ZNF844: variants seen among roughly 807,000 people sequenced by gnomAD.
ZNF844 encodes zinc finger protein 844.
ZNF844 carries 11 observed loss-of-function variants against 11.4 expected under a neutral mutation model. The observed-to-expected ratio is 0.97, with a 90% CI of 0.61 to 1.60. The LOEUF (loss-of-function observed/expected upper bound fraction) is 1.60. ZNF844 is among the 40% of genes most tolerant of loss of function. ZNF844 has a pLI of 0.00. For missense variants in ZNF844, 790 were observed against 796.8 expected (o/e 0.99, Z 0.10); for synonymous variants, 248 against 260.3 (o/e 0.95, Z 0.46).
intron 1 of ZNF844, chr19:12,070,370 G>A (rs1021063528): frequency 6.6e-6 from 1 of 152,198 alleles, no homozygotes; most frequent in African/African-American, 2.4e-5. Context: ...CACATAGGAT[G>A]GGGGATGAAT....
At position 12,075,549 on chromosome 19, in the gene ZNF844, T is replaced by C. The variant is rs1300754329; in HGVS notation, c.429T>C (p.Cys143=). 6.2e-7 allele frequency: 1 copy of C among 1,614,042 alleles called. No individual in the cohort carries two copies. ...AATATGGACAGGAGCCATATAAGTG[T>C]CAACAACGTAAGAAAGCCTTCAGAT... The part of the protein sequence containing the change: ...YQEYGQEPYK[C]QQRKKAFRCH... The change falls in exon 4 of 4, where the codon TGT becomes TGC. Residue 143 remains cysteine (C), a synonymous_variant. Transcript: ENST00000439326.
intron 1 of ZNF844, among the ~76,000 whole-genome samples, chr19:12,070,461 C>G (rs537604219): frequency 6.6e-6 from 1 of 152,278 alleles, no homozygotes; most frequent in African/African-American, 2.4e-5. Flanking sequence ...GGCAGTGGTG[C>G]AACCACAGTC....
chr19:12,068,640 A>C (rs1023693860), intron 1 of ZNF844, among the ~76,000 whole-genome samples: 1 of 152,232 alleles, frequency 6.6e-6, no homozygotes, highest in South Asian at 2.1e-4. Flanking sequence ...CTCAAAAAAA[A>C]TAAAAAATAA....
intron 1 of ZNF844, among the ~76,000 whole-genome samples, chr19:12,071,883 C>CTTTTT (rs533482850): frequency 4.5e-4 from 62 of 139,226 alleles, no homozygotes; most frequent in African/African-American, 1.1e-3. Context: ...AATTTTTTTT[C>CTTTTT]TTTTTTTTTT....
intron 1 of ZNF844, among the ~76,000 whole-genome samples, chr19:12,069,178 C>CGTTTT (rs760998604): frequency 5.8e-5 from 8 of 137,476 alleles, no homozygotes; most frequent in African/African-American, 1.5e-4. Context: ...TTCTTTTATT[C>CGTTTT]CTTTTTTTTT....
At chr19:12,072,241 C>G (rs997853216) in intron 1 of ZNF844, among the ~76,000 whole-genome samples, 6 of 152,210 alleles carry the variant, frequency 3.9e-5, no homozygotes, top group African/African-American at 1.2e-4. Flanking sequence ...TTTTGTAAGA[C>G]TAAATACTAT....
chr19:12,075,236 C>A, intron 3 of ZNF844, 76 bp from the exon 4 acceptor site: 1 of 1,031,116 alleles, frequency 9.7e-7, no homozygotes, highest in Non-Finnish European at 1.3e-6. Context: ...AAATAAAATG[C>A]AAGTGTAATC....
Position 12,078,509 on chromosome 19 carries a change from A to G in ZNF844, c.*1388A>G, listed in dbSNP as rs1975857546. 1 of 152,190 alleles carries G rather than the reference A, an allele frequency of 6.6e-6. No homozygotes were observed. Among genetic ancestry groups the G allele is most frequent in the Admixed American group, 6.5e-5 (1 of 15,268 alleles). 9.4% of individuals were successfully genotyped at this position (152,190 alleles called of 1,614,324 possible). ...CATTAGATCAAGTTTATGTTACCAC[A>G]TTATTTTTTGGACATTGTGAGTCAA... On this transcript the variant is annotated 3_prime_UTR_variant, in exon 4 of 4. Coordinates refer to ENST00000439326, the MANE Select transcript of ZNF844 (RefSeq NM_001136501.3).
chr19:12,073,828 C>T lies in ZNF844; in HGVS notation c.4-203C>T, dbSNP rs1035747863. ...AGACACATTTTTCTATTCTGCTGTT[C>T]GTTTATTGCTTAGTTCTGTTCCAGC... On this transcript the variant is annotated intron_variant, in intron 1 of 3. Transcript: ENST00000439326. Among the ~76,000 whole-genome samples, 4 of 152,166 alleles carry T rather than the reference C, an allele frequency of 2.6e-5. No individual in the cohort carries two copies. In the East Asian group the frequency reaches 7.7e-4, roughly 29 times the overall value.
intron 3 of ZNF844, among the ~76,000 whole-genome samples, 158 bp downstream of exon 3, chr19:12,074,579 C>T (rs1335107996): frequency 6.6e-6 from 1 of 152,170 alleles, no homozygotes; most frequent in African/African-American, 2.4e-5. Flanking sequence ...GTGATCTAGG[C>T]TGGGCACAGT....
At chr19:12,066,489 A>G (rs1296582376) in intron 1 of ZNF844, among the ~76,000 whole-genome samples, 1 of 150,582 alleles carries the variant, frequency 6.6e-6, no homozygotes, top group African/African-American at 2.4e-5. Context: ...GCAGTGTTTA[A>G]GGAAGAGCTA....
At position 12,077,255 on chromosome 19, in the gene ZNF844, C is replaced by T. The variant is rs541546306; in HGVS notation, c.*134C>T. 49 of 1,438,586 alleles carry T rather than the reference C, an allele frequency of 3.4e-5. No individual in the cohort carries two copies. In the East Asian group the frequency reaches 1.0e-3, roughly 30 times the overall value. The allele number at this position is 1,438,586 out of a possible 1,614,324, so 89.1% of individuals were successfully genotyped here. The stretch of plus-strand genomic sequence containing the variant: ...GTAAAGCCTTCATTTCTTCCACTGC[C>T]ATTCGTAGACATGAAAGGACTCACA... On this transcript the variant is annotated 3_prime_UTR_variant, in exon 4 of 4. Transcript: ENST00000439326.
At position 12,074,123 on chromosome 19, in the gene ZNF844, G is replaced by A; in HGVS notation, c.96G>A (p.Val32=). 6.2e-7 allele frequency: 1 copy of A among 1,613,834 alleles called. No homozygotes were observed. Among genetic ancestry groups the A allele is most frequent in the South Asian group, 1.1e-5 (1 of 91,066 alleles). The stretch of plus-strand genomic sequence containing the variant: ...CCCAGAAGAATCTCTACAGAGAAGT[G>A]ATGCAGGAAACCTTGAGGAATCTGG... The part of the protein sequence containing the change: ...DPSQKNLYRE[V]MQETLRNLAS... The change falls in exon 2 of 4, where the codon GTG becomes GTA. Residue 32 remains valine, a synonymous_variant. Coordinates refer to ENST00000439326, the MANE Select transcript of ZNF844 (RefSeq NM_001136501.3).
At chr19:12,066,974 A>G (rs910672864) in intron 1 of ZNF844, among the ~76,000 whole-genome samples, 3 of 152,170 alleles carry the variant, frequency 2.0e-5, no homozygotes, top group Non-Finnish European at 2.9e-5. Flanking sequence ...CAGTTTTTGC[A>G]AAAGTGGTTT....
Position 12,075,967 on chromosome 19 carries a change from T to C in ZNF844, c.847T>C (p.Cys283Arg). Residue 283 changes from cysteine to arginine, a missense_variant, in exon 4 of 4, where the codon TGC becomes CGC. Physicochemically the swap from Cys to Arg is radical, Grantham distance 180. Coordinates refer to ENST00000439326, the MANE Select transcript of ZNF844 (RefSeq NM_001136501.3). ...TCACACTGGAGAGAAGCCATATGAA[T>C]GCAAACAATGTGGAAAAGCCTTCAG... The part of the protein sequence containing the change: ...RTHTGEKPYE[C>R]KQCGKAFRWF... 1.3e-6 allele frequency: 2 copies of C among 1,594,496 alleles called. No homozygotes were observed. Among genetic ancestry groups the C allele is most frequent in the Non-Finnish European group, 1.7e-6 (2 of 1,169,872 alleles).
At position 12,076,884 on chromosome 19, in the gene ZNF844, A is replaced by T. The variant is rs1322250627; in HGVS notation, c.1764A>T (p.Val588=). Residue 588 remains valine, a synonymous_variant, in exon 4 of 4, where the codon GTA becomes GTT. Coordinates refer to ENST00000439326, the MANE Select transcript of ZNF844 (RefSeq NM_001136501.3). The part of the protein sequence containing the change: ...QCTEDRMPMN[V]KSVTKHSYLP... ...CAGAGGACAGAATGCCTATGAATGT[A>T]AAGAGTGTGACAAAGCATTCATATC... The T allele has an allele frequency of 1.3e-6, 2 of 1,571,094 alleles. No individual in the cohort carries two copies. Among genetic ancestry groups the T allele is most frequent in the South Asian group, 2.3e-5 (2 of 86,260 alleles).
At chr19:12,067,015 T>C (rs1975696523) in intron 1 of ZNF844, among the ~76,000 whole-genome samples, 1 of 152,102 alleles carries the variant, frequency 6.6e-6, no homozygotes. Flanking sequence ...TAAAATAATA[T>C]TGTCAACTTA....
intron 1 of ZNF844, among the ~76,000 whole-genome samples, chr19:12,068,264 A>G (rs1327365514): frequency 3.3e-5 from 5 of 152,092 alleles, no homozygotes; most frequent in Admixed American, 2.0e-4. Context: ...AGGCATGATC[A>G]TGCCACTGGA....
At position 12,076,153 on chromosome 19, in the gene ZNF844, G is replaced by T. The variant is rs1170440125; in HGVS notation, c.1033G>T (p.Ala345Ser). 1 of 1,577,610 alleles carries T rather than the reference G, an allele frequency of 6.3e-7. No individual in the cohort carries two copies. The highest frequency in any genetic ancestry group is 1.4e-5 in the African/African-American group (1 of 73,596). Reference sequence around the variant, plus strand: ...CTGTGAATGTAAACAATGTGGGAAAGCATTATCTTATCTTAACTTTCAAAG... The same window carrying T: ...CTGTGAATGTAAACAATGTGGGAAATCATTATCTTATCTTAACTTTCAAAG... ...KPCECKQCGKALSYLNFQRHM... is the reference protein window; with the variant it reads ...KPCECKQCGKSLSYLNFQRHM... Residue 345 changes from alanine (A) to serine (S), a missense_variant, in exon 4 of 4, where the codon GCA becomes TCA. Physicochemically the swap from Ala to Ser is moderately conservative, Grantham distance 99. This residue lies in a region of ZNF844 where 657 missense variants were observed against 636.2 expected (regional missense o/e 1.03). Coordinates refer to ENST00000439326, the MANE Select transcript of ZNF844 (RefSeq NM_001136501.3).
Sources: gnomAD v4.1 joint callset for allele counts (sites outside exome capture counted in the v4.1 genomes callset) on GRCh38, gnomAD v4.1.1 for gene constraint, gnomAD v4.1.1 regional missense constraint, MANE v1.5 for transcripts, NCBI Gene and HGNC (gene_info 2026-07-23, HGNC 2026-07-21) for gene names.